CDH24: variants seen among roughly 807,000 people sequenced by gnomAD.
CDH24 encodes cadherin 24, also known as cadherin-24.
CDH24 carries 61 observed loss-of-function variants against 71.2 expected under a neutral mutation model. The ratio of observed to expected loss-of-function variants is 0.86; its 90% confidence interval spans 0.70 to 1.06. The LOEUF (loss-of-function observed/expected upper bound fraction) is 1.06. CDH24 is among the 50% of genes least tolerant of loss of function. The pLI is 0.00. For missense variants in CDH24, 961 were observed against 1,083.7 expected, an observed-to-expected ratio of 0.89 and a Z score of 1.59; for synonymous variants, 440 against 470.2, an observed-to-expected ratio of 0.94 and a Z score of 0.83.
At position 23,054,052 on chromosome 14, in the gene CDH24, A is replaced by T; in HGVS notation, c.972+89T>A. 1 of 1,330,086 alleles carries T rather than the reference A, an allele frequency of 7.5e-7. No homozygotes were observed. The highest frequency in any genetic ancestry group is 2.3e-5 in the Admixed American group (1 of 43,872). The allele number at this position is 1,330,086 out of a possible 1,614,324, so 82.4% of individuals were successfully genotyped here. A position where few individuals can be genotyped will look rare whatever the true frequency, so the allele number is the denominator to read the frequency against. ...TCTAAGCTCCAACAGAGAGATCCTG[A>T]GTCTGTTCTAGAAGAACAGTTAAAT... On this transcript the variant is annotated intron_variant, in intron 6 of 12. Coordinates refer to ENST00000487137, the MANE Select transcript of CDH24 (RefSeq NM_144985.4). The surrounding 1 kb of genome is among the most constrained non-coding windows in gnomAD (Gnocchi z 5.2).
In CDH24 at chr14:23,055,406, A is replaced by C; in HGVS notation, c.202-53T>G. 1 of 1,591,240 alleles carries C rather than the reference A, an allele frequency of 6.3e-7. No homozygotes were observed. Among genetic ancestry groups the C allele is most frequent in the Non-Finnish European group, 8.6e-7 (1 of 1,165,044 alleles). On this transcript the variant is annotated intron_variant, in intron 2 of 12. Transcript: ENST00000487137. The surrounding 1 kb of genome is among the most constrained non-coding windows in gnomAD (Gnocchi z 4.1). ...GGGCTCCAAGTACAGAGACAGGGTTAAAGAGTCTAGGTTTGGGTAGAGCGT... is the reference window on the plus strand; with the variant it reads ...GGGCTCCAAGTACAGAGACAGGGTTCAAGAGTCTAGGTTTGGGTAGAGCGT...
chr14:23,048,885 G>T, intron 11 of CDH24, 142 bp downstream of exon 11: 3 of 873,842 alleles, frequency 3.4e-6, no homozygotes, highest in South Asian at 3.5e-5. Flanking sequence ...TTTTCTCTTG[G>T]ATGCATCAGG....
chr14:23,057,423 A>T lies in CDH24; in HGVS notation c.-145T>A, dbSNP rs1204223180. 5 of 152,068 alleles carry T rather than the reference A, an allele frequency of 3.3e-5. No homozygotes were observed. The highest frequency in any genetic ancestry group is 7.4e-5 in the Non-Finnish European group (5 of 68,014). 9.4% of individuals were successfully genotyped at this position (152,068 alleles called of 1,614,324 possible). ...CTTACCTGGCACTGCCGAGGGGCCC[A>T]GGCCGGCGGGAAGCGCCCCCGCCCG... On this transcript the variant is annotated 5_prime_UTR_variant, in exon 1 of 13. Coordinates refer to ENST00000487137, the MANE Select transcript of CDH24 (RefSeq NM_144985.4). This position sits in a 1 kb window ranked among gnomAD's most constrained non-coding sequence, Gnocchi z 5.4.
Position 23,054,389 on chromosome 14 carries a change from C to T in CDH24, c.785-61G>A. 6.5e-7 allele frequency: 1 copy of T among 1,547,122 alleles called. No individual in the cohort carries two copies. Among genetic ancestry groups the T allele is most frequent in the Admixed American group, 1.9e-5 (1 of 52,480 alleles). On this transcript the variant is annotated intron_variant, in intron 5 of 12. Coordinates refer to ENST00000487137, the MANE Select transcript of CDH24 (RefSeq NM_144985.4). The surrounding 1 kb of genome is among the most constrained non-coding windows in gnomAD (Gnocchi z 5.2). ...GGTCCCCAGCCCTCCTCCCTCCCCA[C>T]AGCACTTTATTCTCCCAGGATCTGG...
Position 23,048,275 on chromosome 14 carries a change from A to G in CDH24, c.2051T>C (p.Val684Ala), listed in dbSNP as rs778843471. The G allele has an allele frequency of 5.8e-6, 9 of 1,548,646 alleles. No homozygotes were observed. In the South Asian group the frequency reaches 8.1e-5, roughly 14 times the overall value. The change falls in exon 12 of 13, where the codon GTG becomes GCG. Residue 684 changes from valine (V) to alanine (A), a missense_variant. By Grantham distance (64) the Val-to-Ala change is moderately conservative. This residue lies in a region of CDH24 where 290 missense variants were observed against 272.8 expected (regional missense o/e 1.06). Coordinates refer to ENST00000487137, the MANE Select transcript of CDH24 (RefSeq NM_144985.4). ...PAPGPPARRD[V>A]LPRARVSRQP... ...GCGCGACACCCGGGCCCGGGGCAACACGTCTCGGCGCGCGGGAGGGCCGGG... is the reference window on the plus strand; with the variant it reads ...GCGCGACACCCGGGCCCGGGGCAACGCGTCTCGGCGCGCGGGAGGGCCGGG...
Position 23,052,620 on chromosome 14 carries a change from G to C in CDH24, c.1227-11C>G. 6.2e-7 allele frequency: 1 copy of C among 1,612,728 alleles called. No homozygotes were observed. The highest frequency in any genetic ancestry group is 1.3e-5 in the African/African-American group (1 of 75,026). On this transcript the variant is annotated splice_polypyrimidine_tract_variant and intron_variant, in intron 7 of 12. Coordinates refer to ENST00000487137, the MANE Select transcript of CDH24 (RefSeq NM_144985.4). Reference sequence around the variant, plus strand: ...GGGAGGATGGAGTATCTGGGGAAGGGAGAGACATGCTGGGGCTGATCTGGG... The same window carrying C: ...GGGAGGATGGAGTATCTGGGGAAGGCAGAGACATGCTGGGGCTGATCTGGG...
rs2047084207 is a variant in CDH24 at position 23,051,394 on chromosome 14, G to A, written c.1363+1079C>T. ...ATAATCATACTTCCCTCATAAAGTTGTGGTGATGATTAAATGAATGAATCC... is the reference window on the plus strand; with the variant it reads ...ATAATCATACTTCCCTCATAAAGTTATGGTGATGATTAAATGAATGAATCC... On this transcript the variant is annotated intron_variant, in intron 8 of 12. Transcript: ENST00000487137. This position sits in a 1 kb window ranked among gnomAD's most constrained non-coding sequence, Gnocchi z 4.4. Among the ~76,000 whole-genome samples the A allele has an allele frequency of 6.6e-6, 1 of 152,152 alleles. No individual in the cohort carries two copies. The highest frequency in any genetic ancestry group is 6.5e-5 in the Admixed American group (1 of 15,282).
Position 23,048,389 on chromosome 14 carries a change from G to C in CDH24, c.1937C>G (p.Thr646Ser). The change falls in exon 12 of 13, where the codon ACC becomes AGC. Residue 646 changes from threonine to serine, a missense_variant. Around this residue, in one of 2 missense-constraint regions of CDH24, gnomAD observed 290 missense variants for 272.8 expected, o/e 1.06. Coordinates refer to ENST00000487137, the MANE Select transcript of CDH24 (RefSeq NM_144985.4). ...EEEDVRENII[T>S]YDDEGGGEED... ...CTCGCCGCCGCCCTCGTCGTCGTAG[G>C]TGATGATGTTCTCTCGGACGTCCTC... The C allele has an allele frequency of 2.5e-6, 4 of 1,612,544 alleles. No individual in the cohort carries two copies. The highest frequency in any genetic ancestry group is 1.1e-5 in the South Asian group (1 of 91,086).
Position 23,054,352 on chromosome 14 carries a change from C to T in CDH24, c.785-24G>A. The stretch of plus-strand genomic sequence containing the variant: ...GCCTTGGGATGACAGAGGGGAGACA[C>T]CTTCTCAGAGAGGTCCCCAGCCCTC... On this transcript the variant is annotated intron_variant, in intron 5 of 12. Coordinates refer to ENST00000487137, the MANE Select transcript of CDH24 (RefSeq NM_144985.4). This position sits in a 1 kb window ranked among gnomAD's most constrained non-coding sequence, Gnocchi z 5.2. 1 of 1,557,680 alleles carries T rather than the reference C, an allele frequency of 6.4e-7. No homozygotes were observed.
rs774772546 is a variant in CDH24, at chr14:23,049,206, A to G, written c.1667T>C (p.Ile556Thr). ...PPRHAPYLVP[I>T]ELWDWGQPAL... is the part of the protein sequence containing the mutation. The stretch of plus-strand genomic sequence containing the variant: ...CGGCTGCCCCCAGTCCCACAGTTCT[A>G]TGGGAACCAAGTAGGGGGCATGGCG... Residue 556 changes from isoleucine to threonine, a missense_variant, in exon 11 of 13, where the codon ATA becomes ACA. This residue lies in a region of CDH24 where 671 missense variants were observed against 810.9 expected (regional missense o/e 0.83). Coordinates refer to ENST00000487137, the MANE Select transcript of CDH24 (RefSeq NM_144985.4). 10 of 1,575,140 alleles carry G rather than the reference A, an allele frequency of 6.3e-6. No homozygotes were observed. Among genetic ancestry groups the G allele is most frequent in the Non-Finnish European group, 8.6e-6 (10 of 1,159,602 alleles).
rs764074182 is a variant in CDH24, at chr14:23,049,741, G to A, written c.1486-3C>T. 2 of 1,611,448 alleles carry A rather than the reference G, an allele frequency of 1.2e-6. No homozygotes were observed. Among genetic ancestry groups the A allele is most frequent in the Admixed American group, 1.7e-5 (1 of 59,846 alleles). ...AGGGCCCGGATGACCTGAATCAGCT[G>A]GGAGGAAGAAGAGAGAGGCCTTGTA... On this transcript the variant is annotated splice_polypyrimidine_tract_variant and splice_region_variant and intron_variant, in intron 9 of 12. Coordinates refer to ENST00000487137, the MANE Select transcript of CDH24 (RefSeq NM_144985.4).
In CDH24 at chr14:23,055,166, A is replaced by G; in HGVS notation, c.389T>C (p.Leu130Pro). 1 of 1,614,172 alleles carries G rather than the reference A, an allele frequency of 6.2e-7. No individual in the cohort carries two copies. The highest frequency in any genetic ancestry group is 1.1e-5 in the South Asian group (1 of 91,078). Residue 130 changes from leucine (L) to proline (P), a missense_variant, in exon 3 of 13, where the codon CTG becomes CCG. By Grantham distance (98) the Leu-to-Pro change is moderately conservative (BLOSUM62 -3). Around this residue, in one of 2 missense-constraint regions of CDH24, gnomAD observed 671 missense variants for 810.9 expected, o/e 0.83. Coordinates refer to ENST00000487137, the MANE Select transcript of CDH24 (RefSeq NM_144985.4). This position sits in a 1 kb window ranked among gnomAD's most constrained non-coding sequence, Gnocchi z 4.1. ...GATGATGAACTCTGATGGGGGCTCC[A>G]GGGGCCGGTTGGAGGCTCGGTCCAC... The part of the protein sequence containing the change: ...QAVDRASNRP[L>P]EPPSEFIIKV...
chr14:23,056,537 G>A (rs771225319), intron 1 of CDH24, among the ~76,000 whole-genome samples: 21 of 152,292 alleles, frequency 1.4e-4, no homozygotes, highest in Non-Finnish European at 2.5e-4. Flanking sequence ...GGGACTGTCC[G>A]GCAGAGAAAT....
rs1421900963 is a variant in CDH24 at position 23,047,070 on chromosome 14, A to T, written c.*824T>A. On this transcript the variant is annotated 3_prime_UTR_variant, in exon 13 of 13. Coordinates refer to ENST00000487137, the MANE Select transcript of CDH24 (RefSeq NM_144985.4). ...AAAACAGAAGCAGGGCTCCAGCTTT[A>T]CAAAATAAAGTGTTTGTTTATTATG... 2.0e-5 allele frequency: 3 copies of T among 152,222 alleles called. No homozygotes were observed. In the East Asian group the frequency reaches 5.8e-4, roughly 29 times the overall value. 9.4% of individuals were successfully genotyped at this position (152,222 alleles called of 1,614,324 possible).
chr14:23,053,943 C>T (rs1350936836), intron 6 of CDH24, among the ~76,000 whole-genome samples, 194 bp from the exon 7 acceptor site: 3 of 152,080 alleles, frequency 2.0e-5, no homozygotes, highest in Non-Finnish European at 4.4e-5. Context: ...CTAGGTCTGC[C>T]CCTAGCTCCC....
chr14:23,053,857 C>A, intron 6 of CDH24, 108 bp from the exon 7 acceptor site: 1 of 1,159,140 alleles, frequency 8.6e-7, no homozygotes, highest in Non-Finnish European at 1.2e-6. Flanking sequence ...AGTGCTCAGT[C>A]CTCATGTGAG....
In CDH24 at chr14:23,051,759, T is replaced by C. The variant is rs2047086473; in HGVS notation, c.1363+714A>G. On this transcript the variant is annotated intron_variant, in intron 8 of 12. Transcript: ENST00000487137. This position sits in a 1 kb window ranked among gnomAD's most constrained non-coding sequence, Gnocchi z 4.4. ...TCCACATATACAAGGGCAGTTTTCA[T>C]ATGCAGTATGAAGACAAAAGGGTGG... is the stretch of plus-strand genomic sequence containing the variant. 6.6e-6 allele frequency among the ~76,000 whole-genome samples: 1 copy of C among 152,220 alleles called. No individual in the cohort carries two copies. Among genetic ancestry groups the C allele is most frequent in the Non-Finnish European group, 1.5e-5 (1 of 68,040 alleles).
Position 23,054,946 on chromosome 14 carries a change from C to G in CDH24, c.497-80G>C, listed in dbSNP as rs1257841981. ...CAACCGATGGGGGGGGATGCAGATA[C>G]GAGGGAGGCTGAATTGAAGGGGGCA... On this transcript the variant is annotated intron_variant, in intron 3 of 12. Coordinates refer to ENST00000487137, the MANE Select transcript of CDH24 (RefSeq NM_144985.4). This position sits in a 1 kb window ranked among gnomAD's most constrained non-coding sequence, Gnocchi z 5.2. 8.8e-6 allele frequency: 14 copies of G among 1,594,816 alleles called. No individual in the cohort carries two copies. The Middle Eastern group carries it at 5.0e-4, about 57-fold the overall frequency.
Position 23,055,907 on chromosome 14 carries a change from C to T in CDH24, c.-124-50G>A. 5.1e-6 allele frequency: 3 copies of T among 589,104 alleles called. No individual in the cohort carries two copies. The highest frequency in any genetic ancestry group is 6.0e-6 in the Non-Finnish European group (2 of 335,512). The allele number at this position is 589,104 out of a possible 1,614,324, so 36.5% of individuals were successfully genotyped here. A position where few individuals can be genotyped will look rare whatever the true frequency, so the allele number is the denominator to read the frequency against. On this transcript the variant is annotated intron_variant, in intron 1 of 12. Transcript: ENST00000487137. This position sits in a 1 kb window ranked among gnomAD's most constrained non-coding sequence, Gnocchi z 4.1. ...CTCAAGGAAACCCCTAGCCCTCCTC[C>T]CCCGCAAAATTAGATGCTGAAGACC...
Sources: allele counts gnomAD v4.1 joint callset (sites outside exome capture counted in the v4.1 genomes callset), GRCh38; gene constraint gnomAD v4.1.1; regional missense constraint gnomAD v4.1.1; non-coding constraint Gnocchi (gnomAD v3.1); transcripts MANE v1.5; gene names NCBI Gene and HGNC (gene_info 2026-07-23, HGNC 2026-07-21).